HERC3: variants seen among roughly 807,000 people sequenced by gnomAD.
The protein encoded by HERC3 is probable E3 ubiquitin-protein ligase HERC3.
A neutral mutation model predicts 129.9 loss-of-function variants in HERC3; 58 were observed. The ratio of observed to expected loss-of-function variants is 0.45; its 90% CI spans 0.36 to 0.56. The LOEUF (loss-of-function observed/expected upper bound fraction) is 0.56. Ranked by LOEUF, HERC3 falls within the 20% of genes least tolerant of loss-of-function variation. HERC3 has a pLI of 0.00. For synonymous variants in HERC3, 430 were observed against 451.0 expected, an observed-to-expected ratio of 0.95 and a Z score of 0.59; for missense variants, 835 against 1,244.2, an observed-to-expected ratio of 0.67 and a Z score of 4.95.
chr4:88,675,296 C>A (rs1453031841), intron 16 of HERC3, among the ~76,000 whole-genome samples: 1 of 152,202 alleles, frequency 6.6e-6, no homozygotes, highest in Non-Finnish European at 1.5e-5. Flanking sequence ...CATGCCAAGA[C>A]TGCTTCTCTC....
In HERC3 at chr4:88,624,596, G is replaced by C. The variant is rs1238510914; in HGVS notation, c.226+18547G>C. Among the ~76,000 whole-genome samples the C allele has an allele frequency of 2.0e-5, 3 of 152,148 alleles. No homozygotes were observed. The East Asian group carries it at 5.8e-4, about 29-fold the overall frequency. ...TTGCTTGTCTTACAATGTTCTTTAT[G>C]TGGTCAGTATACTGATCTTTTATCA... is the stretch of plus-strand genomic sequence containing the variant. On this transcript the variant is annotated intron_variant, in intron 3 of 25. Coordinates refer to ENST00000402738, the MANE Select transcript of HERC3 (RefSeq NM_014606.3).
chr4:88,681,593 G>A (rs1438894308), intron 21 of HERC3, among the ~76,000 whole-genome samples: 1 of 152,098 alleles, frequency 6.6e-6, no homozygotes, highest in Non-Finnish European at 1.5e-5. Context: ...GTCCTGCAGG[G>A]GCCCTAGAAG....
chr4:88,547,320 T>A, the HERC3 span, among the ~76,000 whole-genome samples: 5 of 152,196 alleles, frequency 3.3e-5, no homozygotes, highest in Admixed American at 6.5e-5. Flanking sequence ...AAGGAATGTA[T>A]ACTTATAAAT....
At chr4:88,596,459 T>C (rs1300487556) in intron 2 of HERC3, among the ~76,000 whole-genome samples, 1 of 152,158 alleles carries the variant, frequency 6.6e-6, no homozygotes. Context: ...AATTCAGGTT[T>C]TCTAAGAATG....
intron 3 of HERC3, among the ~76,000 whole-genome samples, chr4:88,624,951 G>T (rs1189006612): frequency 6.6e-6 from 1 of 152,086 alleles, no homozygotes; most frequent in East Asian, 1.9e-4. Context: ...TTATTGAAAA[G>T]ACTGTATATC....
chr4:88,655,803 TAAAAGTC>T (rs1323958069), intron 8 of HERC3, 65 bp from the exon 9 acceptor site: 2 of 1,487,524 alleles, frequency 1.3e-6, no homozygotes, highest in African/African-American at 1.4e-5. Context: ...ATGTGGAAGT[TAAAAGTC>T]AGAGTCAGAG....
chr4:88,632,167 G>T (rs906421801), intron 3 of HERC3, among the ~76,000 whole-genome samples: 8 of 152,134 alleles, frequency 5.3e-5, no homozygotes, highest in African/African-American at 1.9e-4. Flanking sequence ...GAACTCTTTG[G>T]CTCACCTCTG....
intron 23 of HERC3, among the ~76,000 whole-genome samples, chr4:88,701,936 G>A (rs1289200972): frequency 6.6e-6 from 1 of 151,790 alleles, no homozygotes; most frequent in African/African-American, 2.4e-5. Context: ...CTGAGCAGCT[G>A]GGACTACAGG....
the HERC3 span, among the ~76,000 whole-genome samples, chr4:88,535,138 T>C: frequency 3.9e-5 from 6 of 152,326 alleles, no homozygotes; most frequent in Admixed American, 6.5e-5. Context: ...AGTATTTTTA[T>C]TGAAACTATG....
At position 88,617,895 on chromosome 4, in the gene HERC3, CAG is replaced by C. The variant is rs566439136; in HGVS notation, c.226+11847_226+11848del. Among the ~76,000 whole-genome samples, 27 of 148,640 alleles carry C rather than the reference CAG, an allele frequency of 1.8e-4. No homozygotes were observed. In the South Asian group the frequency reaches 5.5e-3, roughly 31 times the overall value. ...AAAGGAAAAAAAAAGAAAAAAAAAA[CAG>C]GGAGTGCAGAAAAGTGGGGACCATT... On this transcript the variant is annotated intron_variant, in intron 3 of 25. Coordinates refer to ENST00000402738, the MANE Select transcript of HERC3 (RefSeq NM_014606.3).
intron 23 of HERC3, chr4:88,693,577 GA>G (rs1734290886): frequency 1.1e-6 from 1 of 943,720 alleles, no homozygotes; most frequent in African/African-American, 1.8e-5. Flanking sequence ...ACAGCATTAT[GA>G]ATGTACAAAA....
intron 3 of HERC3, among the ~76,000 whole-genome samples, chr4:88,649,279 T>C (rs1481236855): frequency 6.6e-6 from 1 of 152,174 alleles, no homozygotes; most frequent in Non-Finnish European, 1.5e-5. Flanking sequence ...GATGCACAAA[T>C]GTCACTATCT....
At chr4:88,690,536 A>G (rs997121711) in intron 23 of HERC3, 2 of 985,014 alleles carry the variant, frequency 2.0e-6, no homozygotes, top group Non-Finnish European at 2.4e-6. Flanking sequence ...AGGAAGGGGA[A>G]CATTCAGAGT....
chr4:88,664,205 G>A lies in HERC3; in HGVS notation c.1324G>A (p.Glu442Lys). 3.7e-6 allele frequency: 6 copies of A among 1,612,490 alleles called. No homozygotes were observed. Among genetic ancestry groups the A allele is most frequent in the Non-Finnish European group, 5.1e-6 (6 of 1,179,014 alleles). Reference protein sequence around the residue: ...SAACWNGSFLEKKIDEHFKTS... With the variant: ...SAACWNGSFLKKKIDEHFKTS... ...AGCCTGTTGGAATGGAAGTTTTCTTGAAAAAAAGTAAGTGACTTAGAGCCT... is the reference window on the plus strand; with the variant it reads ...AGCCTGTTGGAATGGAAGTTTTCTTAAAAAAAAGTAAGTGACTTAGAGCCT... Residue 442 changes from glutamate to lysine, a missense_variant, in exon 12 of 26, where the codon GAA becomes AAA. By Grantham distance (56) the Glu-to-Lys change is moderately conservative (BLOSUM62 1). Coordinates refer to ENST00000402738, the MANE Select transcript of HERC3 (RefSeq NM_014606.3).
At chr4:88,661,726 T>C (rs2149288281) in intron 10 of HERC3, among the ~76,000 whole-genome samples, 1 of 152,336 alleles carries the variant, frequency 6.6e-6, no homozygotes, top group South Asian at 2.1e-4. Context: ...TTCAAGGACA[T>C]ACATTATTAA....
chr4:88,662,616 G>T (rs537948888), intron 11 of HERC3, 61 bp downstream of exon 11: 2 of 1,541,932 alleles, frequency 1.3e-6, no homozygotes, highest in South Asian at 2.5e-5. Flanking sequence ...TTTTAGCTTA[G>T]TGTGATTTTC....
chr4:88,540,044 C>T, the HERC3 span, among the ~76,000 whole-genome samples: 2 of 152,286 alleles, frequency 1.3e-5, no homozygotes, highest in East Asian at 3.9e-4. Flanking sequence ...TCCAAAGGAT[C>T]GCAGCTTCTT....
chr4:88,607,549 C>T (rs1015009665), intron 3 of HERC3, among the ~76,000 whole-genome samples: 6 of 152,114 alleles, frequency 3.9e-5, no homozygotes, highest in Admixed American at 6.5e-5. Context: ...CCGCAACCTC[C>T]GCCTCCCAGG....
chr4:88,704,367 C>A, intron 24 of HERC3, 86 bp downstream of exon 24: 1 of 1,412,156 alleles, frequency 7.1e-7, no homozygotes, highest in Non-Finnish European at 9.9e-7. Flanking sequence ...GGTCTCGTTC[C>A]AAGCATACTG....
Sources: gnomAD v4.1 joint callset for allele counts (sites outside exome capture counted in the v4.1 genomes callset) on GRCh38, gnomAD v4.1.1 for gene constraint, MANE v1.5 for transcripts, NCBI Gene and HGNC (gene_info 2026-07-23, HGNC 2026-07-21) for gene names.